TTC28: variants seen among roughly 807,000 people sequenced by gnomAD.
TTC28 encodes tetratricopeptide repeat protein 28.
In TTC28, 61 loss-of-function variants were observed where a neutral mutation model predicts 198.0. The ratio of observed to expected loss-of-function variants is 0.31; its 90% CI spans 0.25 to 0.38. The LOEUF (loss-of-function observed/expected upper bound fraction) is 0.38, where lower values mean the gene tolerates loss of function less well. Ranked by LOEUF, TTC28 falls within the 10% of genes least tolerant of loss-of-function variation. The pLI, the probability that TTC28 is intolerant of heterozygous loss-of-function variation, is 1.00. For synonymous variants in TTC28, 1,171 were observed against 1,297.8 expected (o/e 0.90, Z 2.10); for missense variants, 2,678 against 3,164.0 (o/e 0.85, Z 3.69).
At position 28,147,722 on chromosome 22, in the gene TTC28, C is replaced by T. The variant is rs1569162561; in HGVS notation, c.1441+15370G>A. ...TATCTTTCTGAATTATTAAATTAAA[C>T]AATGAATCGCTGCATAAGAAGCTAC... On this transcript the variant is annotated intron_variant, in intron 6 of 22. Coordinates refer to ENST00000397906, the MANE Select transcript of TTC28 (RefSeq NM_001145418.2). Among the ~76,000 whole-genome samples, 6 of 152,170 alleles carry T rather than the reference C, an allele frequency of 3.9e-5. No individual in the cohort carries two copies. The South Asian group carries it at 1.2e-3, about 32-fold the overall frequency.
intron 12 of TTC28, among the ~76,000 whole-genome samples, chr22:28,063,487 T>A (rs1184965230): frequency 6.6e-6 from 1 of 152,226 alleles, no homozygotes; most frequent in Non-Finnish European, 1.5e-5. Flanking sequence ...TAGGACCTTG[T>A]GTTCACAAGC....
intron 2 of TTC28, among the ~76,000 whole-genome samples, chr22:28,545,779 T>A (rs1022402156): frequency 6.6e-6 from 1 of 152,056 alleles, no homozygotes; most frequent in Non-Finnish European, 1.5e-5. Context: ...ACGTAATACA[T>A]GCAAGACTAT....
At chr22:28,361,347 C>T (rs1488589739) in intron 2 of TTC28, among the ~76,000 whole-genome samples, 3 of 152,040 alleles carry the variant, frequency 2.0e-5, no homozygotes, top group Admixed American at 6.6e-5. Flanking sequence ...AATAAGAAAG[C>T]GAAACAGCCT....
intron 13 of TTC28, among the ~76,000 whole-genome samples, chr22:28,018,070 T>C (rs901922148): frequency 5.9e-5 from 9 of 152,170 alleles, no homozygotes; most frequent in Non-Finnish European, 1.2e-4. Flanking sequence ...CCTCCCACCC[T>C]GGCCCTTCTT....
chr22:28,143,180 G>A (rs1442292321), intron 6 of TTC28, among the ~76,000 whole-genome samples: 3 of 152,172 alleles, frequency 2.0e-5, no homozygotes. Flanking sequence ...TTATTTTGCA[G>A]TATGATGCCT....
intron 2 of TTC28, among the ~76,000 whole-genome samples, chr22:28,619,550 A>G (rs2050958214): frequency 6.6e-6 from 1 of 152,248 alleles, no homozygotes; most frequent in Admixed American, 6.5e-5. Context: ...GAGGAGGAAG[A>G]AAAAAGGAAA....
Position 28,480,432 on chromosome 22 carries a change from C to T in TTC28, c.381+149120G>A, listed in dbSNP as rs1168356208. Among the ~76,000 whole-genome samples, 4 of 152,222 alleles carry T rather than the reference C, an allele frequency of 2.6e-5. No individual in the cohort carries two copies. In the East Asian group the frequency reaches 7.7e-4, roughly 29 times the overall value. On this transcript the variant is annotated intron_variant, in intron 2 of 22. Coordinates refer to ENST00000397906, the MANE Select transcript of TTC28 (RefSeq NM_001145418.2). The stretch of plus-strand genomic sequence containing the variant: ...CTACAGAAAGGCTCAGGAAAATAAA[C>T]TCAGTAGGAATCCTGAAATGTTCAG...
intron 12 of TTC28, among the ~76,000 whole-genome samples, chr22:28,051,491 A>G (rs192194216): frequency 1.3e-5 from 2 of 152,184 alleles, no homozygotes; most frequent in Admixed American, 6.5e-5. Context: ...TTCTCTCAGC[A>G]AAGAATATTT....
At chr22:28,169,349 TG>T (rs1449738971) in intron 5 of TTC28, among the ~76,000 whole-genome samples, 1 of 152,222 alleles carries the variant, frequency 6.6e-6, no homozygotes, top group Non-Finnish European at 1.5e-5. Context: ...TTATAAATCA[TG>T]CTGCTATAAA....
intron 21 of TTC28, 32 bp downstream of exon 21, chr22:27,989,846 G>A: frequency 6.5e-7 from 1 of 1,534,038 alleles, no homozygotes; most frequent in Non-Finnish European, 8.8e-7. Context: ...TGGAATTCAA[G>A]AACCCATTTA....
intron 5 of TTC28, among the ~76,000 whole-genome samples, chr22:28,181,238 A>G (rs1395982542): frequency 1.3e-5 from 2 of 152,188 alleles, no homozygotes; most frequent in Admixed American, 1.3e-4. Context: ...CAGGTGATAA[A>G]TTATTTATAA....
chr22:28,133,544 C>T lies in TTC28; in HGVS notation c.1442-25141G>A, dbSNP rs557108728. On this transcript the variant is annotated intron_variant, in intron 6 of 22. Coordinates refer to ENST00000397906, the MANE Select transcript of TTC28 (RefSeq NM_001145418.2). The stretch of plus-strand genomic sequence containing the variant: ...GAACTTTTCCAACTGTCTTAGCAAA[C>T]GGCACACCAGGAGATTATAACCCGC... 4.6e-5 allele frequency among the ~76,000 whole-genome samples: 7 copies of T among 152,312 alleles called. No homozygotes were observed. In the South Asian group the frequency reaches 1.0e-3, roughly 23 times the overall value.
At chr22:28,596,810 C>T (rs2146106868) in intron 2 of TTC28, among the ~76,000 whole-genome samples, 1 of 152,286 alleles carries the variant, frequency 6.6e-6, no homozygotes, top group African/African-American at 2.4e-5. Context: ...GCCAGACAGA[C>T]ATCTGGAGAG....
intron 2 of TTC28, among the ~76,000 whole-genome samples, chr22:28,597,252 T>C (rs1260948576): frequency 6.6e-6 from 1 of 152,190 alleles, no homozygotes; most frequent in Non-Finnish European, 1.5e-5. Context: ...TGGTGTTAAG[T>C]ATATTAACAT....
intron 2 of TTC28, among the ~76,000 whole-genome samples, chr22:28,386,449 T>A (rs950392034): frequency 6.6e-6 from 1 of 152,136 alleles, no homozygotes; most frequent in Non-Finnish European, 1.5e-5. Context: ...TGCTGTGCAA[T>A]CCTTGGCATT....
intron 1 of TTC28, among the ~76,000 whole-genome samples, chr22:28,671,184 A>G (rs2051875031): frequency 1.3e-5 from 2 of 151,846 alleles, no homozygotes; most frequent in Non-Finnish European, 2.9e-5. Flanking sequence ...GGCTCAAGTG[A>G]TCCTCCCACC....
At chr22:28,294,828 A>G (rs1237095019) in intron 5 of TTC28, among the ~76,000 whole-genome samples, 1 of 152,094 alleles carries the variant, frequency 6.6e-6, no homozygotes, top group Non-Finnish European at 1.5e-5. Context: ...CAGCCTCCCA[A>G]AGTGCTGGGA....
At chr22:28,010,569 A>G (rs545235310) in intron 14 of TTC28, among the ~76,000 whole-genome samples, 1 of 152,306 alleles carries the variant, frequency 6.6e-6, no homozygotes, top group East Asian at 1.9e-4. Flanking sequence ...AGCCGCCACA[A>G]TAGTCACTGC....
chr22:28,342,924 G>A (rs557581977), intron 2 of TTC28, among the ~76,000 whole-genome samples: 7 of 152,092 alleles, frequency 4.6e-5, no homozygotes, highest in Non-Finnish European at 1.0e-4. Context: ...TTAGGTCCAC[G>A]AGAGGAAATT....
Sources: allele counts gnomAD v4.1 joint callset (sites outside exome capture counted in the v4.1 genomes callset), GRCh38; gene constraint gnomAD v4.1.1; transcripts MANE v1.5; gene names NCBI Gene and HGNC (gene_info 2026-07-23, HGNC 2026-07-21).